ZDHHC23: variants seen among roughly 807,000 people sequenced by gnomAD.
ZDHHC23 encodes palmitoyltransferase ZDHHC23.
Under a neutral mutation model 40.2 loss-of-function variants are expected in ZDHHC23, and 41 were observed. That is an observed-to-expected ratio of 1.02 (90% CI 0.79 to 1.32). ZDHHC23 has a LOEUF of 1.32. Ranked by LOEUF, ZDHHC23 falls within the 40% of genes most tolerant of loss-of-function variation. The pLI, the probability that ZDHHC23 is intolerant of heterozygous loss-of-function variation, is 0.00. For synonymous variants in ZDHHC23, 204 were observed against 210.2 expected (o/e 0.97, Z 0.26); for missense variants, 471 against 541.5 (o/e 0.87, Z 1.29).
Position 113,954,082 on chromosome 3 carries a change from C to T in ZDHHC23, c.544C>T (p.Leu182Phe), listed in dbSNP as rs1035841919. 2 of 1,614,086 alleles carry T rather than the reference C, an allele frequency of 1.2e-6. No individual in the cohort carries two copies. Among genetic ancestry groups the T allele is most frequent in the Admixed American group, 3.3e-5 (2 of 60,000 alleles). Residue 182 changes from leucine (L) to phenylalanine (F), a missense_variant, in exon 3 of 5, where the codon CTC (leucine) becomes TTC (phenylalanine). This residue lies in a region of ZDHHC23 where 346 missense variants were observed against 399.8 expected (regional missense o/e 0.87). Coordinates refer to ENST00000638807, the MANE Select transcript of ZDHHC23 (RefSeq NM_001320466.2). ...TCTTACCTGCGGGTTATTTCTGATA[C>T]TCTTAGCCTTGCACAGAGCCAAGAA... is the stretch of plus-strand genomic sequence containing the variant. ...AVLTCGLFLI[L>F]LALHRAKKNP...
chr3:113,956,635 T>G, intron 4 of ZDHHC23, 129 bp downstream of exon 4: 2 of 988,212 alleles, frequency 2.0e-6, no homozygotes, highest in Non-Finnish European at 2.8e-6. Context: ...ATGCTGGGTA[T>G]CCCTGGAATT....
In ZDHHC23 at chr3:113,953,771, GA is replaced by G. The variant is rs1559843460; in HGVS notation, c.235del (p.Ile79PhefsTer10). On this transcript the variant is annotated frameshift_variant, in exon 3 of 5. Transcript: ENST00000638807. LOFTEE classifies it high-confidence loss of function. ...RIMDTISDRL[R>X]IPWLRGAKKV... is the part of the protein sequence containing the mutation. Reference sequence around the variant, plus strand: ...ATGGATACAATTTCTGATCGCCTCCGAATTCCTTGGCTTAGGGGAGCCAAAA... The same window carrying G: ...ATGGATACAATTTCTGATCGCCTCCGATTCCTTGGCTTAGGGGAGCCAAAA... 1 of 1,614,168 alleles carries G rather than the reference GA, an allele frequency of 6.2e-7. No individual in the cohort carries two copies.
At chr3:113,955,353 CTTA>C (rs988135299) in intron 3 of ZDHHC23, among the ~76,000 whole-genome samples, 1 of 142,378 alleles carries the variant, frequency 7.0e-6, no homozygotes, top group African/African-American at 2.7e-5. Context: ...TGTGTCTTCA[CTTA>C]TTCGTGTGTG....
chr3:113,972,434 T>C, the ZDHHC23 span, among the ~76,000 whole-genome samples: 2 of 152,172 alleles, frequency 1.3e-5, no homozygotes, highest in African/African-American at 4.8e-5. Flanking sequence ...GTGGTCAGAA[T>C]AGATACTTGA....
intron 3 of ZDHHC23, 21 bp from the exon 4 acceptor site, chr3:113,956,314 TTTTA>T (rs1302552770): frequency 1.9e-6 from 3 of 1,595,840 alleles, no homozygotes; most frequent in South Asian, 2.3e-5. Context: ...GTGTTTGCTT[TTTTA>T]TTTCTCTATG....
rs1429319914 is a variant in ZDHHC23 at position 113,954,171 on chromosome 3, G to A, written c.633G>A (p.Glu211=). 2.5e-6 allele frequency: 4 copies of A among 1,614,110 alleles called. No individual in the cohort carries two copies. Among genetic ancestry groups the A allele is most frequent in the Non-Finnish European group, 3.4e-6 (4 of 1,180,046 alleles). The part of the protein sequence containing the change: ...GDRSLSSSQL[E]CLSRKGQEKT... ...GATCTCTAAGCAGCAGCCAGCTGGA[G>A]TGCCTGAGCAGAAAAGGGCAGGAGA... The change falls in exon 3 of 5, where the codon GAG becomes GAA. Residue 211 remains glutamate, a synonymous_variant. Transcript: ENST00000638807.
chr3:113,958,948 G>C lies in ZDHHC23; in HGVS notation c.*318G>C. 1 of 1,209,058 alleles carries C rather than the reference G, an allele frequency of 8.3e-7. No homozygotes were observed. The highest frequency in any genetic ancestry group is 1.0e-6 in the Non-Finnish European group (1 of 953,746). 74.9% of individuals were successfully genotyped at this position (1,209,058 alleles called of 1,614,324 possible). A position where few individuals can be genotyped will look rare whatever the true frequency, so the allele number is the denominator to read the frequency against. On this transcript the variant is annotated 3_prime_UTR_variant, in exon 5 of 5. Transcript: ENST00000638807. Reference sequence around the variant, plus strand: ...TTCCCATCCATTAGTATGGAGGAAAGAGTGTTGGATTAGGATAGTTTCTAG... The same window carrying C: ...TTCCCATCCATTAGTATGGAGGAAACAGTGTTGGATTAGGATAGTTTCTAG...
In ZDHHC23 at chr3:113,956,375, AT is replaced by A; in HGVS notation, c.912del (p.Phe304LeufsTer6). 6.2e-7 allele frequency: 1 copy of A among 1,614,214 alleles called. No individual in the cohort carries two copies. Among genetic ancestry groups the A allele is most frequent in the Non-Finnish European group, 8.5e-7 (1 of 1,180,034 alleles). On this transcript the variant is annotated frameshift_variant, in exon 4 of 5. Transcript: ENST00000638807. LOFTEE classifies it high-confidence loss of function. Reference protein sequence around the residue: ...SCVGESNHQAFILALLIFLLT... With the variant: ...SCVGESNHQAXILALLIFLLT... ...GCGTTGGAGAATCAAATCATCAAGC[AT>A]TTATACTTGCCCTTTTGATCTTCTT...
downstream of ZDHHC23, among the ~76,000 whole-genome samples, chr3:113,968,225 G>A (rs1029428338): frequency 2.6e-5 from 4 of 152,086 alleles, no homozygotes; most frequent in Non-Finnish European, 5.9e-5. Context: ...TCTCTATAAT[G>A]GCTGTACTAA....
chr3:113,949,756 AACTGCCAATTTGTTG>A (rs1938486079), intron 2 of ZDHHC23, among the ~76,000 whole-genome samples: 1 of 152,216 alleles, frequency 6.6e-6, no homozygotes, highest in Non-Finnish European at 1.5e-5. Context: ...AAGTCATTGC[AACTGCCAATTTGTTG>A]ACTTAGAACT....
the ZDHHC23 span, chr3:113,978,587 A>G: frequency 1.7e-6 from 1 of 581,790 alleles, no homozygotes; most frequent in Non-Finnish European, 3.0e-6. Flanking sequence ...CTGTGAGACA[A>G]GAAACAAGAA....
chr3:113,970,438 C>T, the ZDHHC23 span, among the ~76,000 whole-genome samples: 1 of 152,052 alleles, frequency 6.6e-6, no homozygotes, highest in Middle Eastern at 3.2e-3. Flanking sequence ...GGGATTACAG[C>T]CATGAGCCAT....
In ZDHHC23 at chr3:113,959,904, A is replaced by C; in HGVS notation, c.*1274A>C. On this transcript the variant is annotated 3_prime_UTR_variant, in exon 5 of 5. Transcript: ENST00000638807. ...CAAGTTGTTTCTTTAATCATATCTTAAAACCGAAAATGTATAAAAGATTAA... is the reference window on the plus strand; with the variant it reads ...CAAGTTGTTTCTTTAATCATATCTTCAAACCGAAAATGTATAAAAGATTAA... 1 of 1,001,064 alleles carries C rather than the reference A, an allele frequency of 1.0e-6. No individual in the cohort carries two copies. Among genetic ancestry groups the C allele is most frequent in the East Asian group, 9.1e-5 (1 of 10,976 alleles). The allele number at this position is 1,001,064 out of a possible 1,614,324, so 62.0% of individuals were successfully genotyped here. A position where few individuals can be genotyped will look rare whatever the true frequency, so the allele number is the denominator to read the frequency against.
Position 113,956,412 on chromosome 3 carries a change from G to A in ZDHHC23, c.946G>A (p.Val316Met), listed in dbSNP as rs1324050675. The change falls in exon 4 of 5, where the codon GTG becomes ATG. Residue 316 changes from valine to methionine, a missense_variant. Transcript: ENST00000638807. Reference protein sequence around the residue: ...LALLIFLLTSVYGITLTLDTI... With the variant: ...LALLIFLLTSMYGITLTLDTI... Reference sequence around the variant, plus strand: ...CCTTTTGATCTTCTTGCTCACCTCGGTGTATGGGATCACACTGACCTTGGA... The same window carrying A: ...CCTTTTGATCTTCTTGCTCACCTCGATGTATGGGATCACACTGACCTTGGA... 2 of 1,614,034 alleles carry A rather than the reference G, an allele frequency of 1.2e-6. No homozygotes were observed. The highest frequency in any genetic ancestry group is 1.7e-6 in the Non-Finnish European group (2 of 1,180,028).
chr3:113,974,324 GTT>G, the ZDHHC23 span, among the ~76,000 whole-genome samples: 2 of 141,348 alleles, frequency 1.4e-5, no homozygotes, highest in African/African-American at 2.6e-5. Context: ...GCTGTTTTTT[GTT>G]TTTTTTTTTT....
At chr3:113,955,100 T>C (rs988165075) in intron 3 of ZDHHC23, among the ~76,000 whole-genome samples, 2 of 152,220 alleles carry the variant, frequency 1.3e-5, no homozygotes, top group African/African-American at 4.8e-5. Context: ...GTAAGTAGCA[T>C]GTTTGCAGTT....
chr3:113,953,908 G>T lies in ZDHHC23; in HGVS notation c.370G>T (p.Ala124Ser). 6.2e-7 allele frequency: 1 copy of T among 1,614,070 alleles called. No homozygotes were observed. Among genetic ancestry groups the T allele is most frequent in the Non-Finnish European group, 8.5e-7 (1 of 1,180,018 alleles). ...VVVLTSLPVL[A>S]LWYYYLTHRR... ...GGTTTTGACCTCCCTTCCTGTGCTG[G>T]CACTGTGGTACTACTACCTCACTCA... The change falls in exon 3 of 5, where the codon GCA becomes TCA. Residue 124 changes from alanine (A) to serine (S), a missense_variant. Physicochemically the swap from Ala to Ser is moderately conservative, Grantham distance 99. Transcript: ENST00000638807.
rs1409305546 is a variant in ZDHHC23 at position 113,959,818 on chromosome 3, G to A, written c.*1188G>A. ...GTATCTCACTAAGAGAGAAGAAACA[G>A]GGTATATGTGGTTTCCACTATTAAT... On this transcript the variant is annotated 3_prime_UTR_variant, in exon 5 of 5. Coordinates refer to ENST00000638807, the MANE Select transcript of ZDHHC23 (RefSeq NM_001320466.2). 1.8e-5 allele frequency: 19 copies of A among 1,036,130 alleles called. No homozygotes were observed. In the Admixed American group the frequency reaches 8.6e-4, roughly 47 times the overall value. The allele number at this position is 1,036,130 out of a possible 1,614,324, so 64.2% of individuals were successfully genotyped here. A position where few individuals can be genotyped will look rare whatever the true frequency, so the allele number is the denominator to read the frequency against.
rs756619268 is a variant in ZDHHC23, at chr3:113,960,708, T to C, written c.*2078T>C. The C allele has an allele frequency of 2.1e-5, 33 of 1,604,662 alleles. No homozygotes were observed. Among genetic ancestry groups the C allele is most frequent in the Non-Finnish European group, 2.6e-5 (30 of 1,176,406 alleles). The stretch of plus-strand genomic sequence containing the variant: ...ATGATGACAATTTTTTTTAACAACT[T>C]ACCTCTAATAGGGTTACTTGGATGA... On this transcript the variant is annotated 3_prime_UTR_variant, in exon 5 of 5. Transcript: ENST00000638807.
Sources: gnomAD v4.1 joint callset for allele counts (sites outside exome capture counted in the v4.1 genomes callset) on GRCh38, gnomAD v4.1.1 for gene constraint, gnomAD v4.1.1 regional missense constraint, MANE v1.5 for transcripts, NCBI Gene and HGNC (gene_info 2026-07-23, HGNC 2026-07-21) for gene names.